Variants in GALNTL6 observed in about 807,000 individuals in gnomAD.
GALNTL6 encodes the protein polypeptide N-acetylgalactosaminyltransferase like 6.
Under a neutral mutation model 73.7 loss-of-function variants are expected in GALNTL6, and 46 were observed. That is an observed-to-expected ratio of 0.62 (90% confidence interval 0.49 to 0.80). The LOEUF is 0.80. Ranked by LOEUF, GALNTL6 falls within the 30% of genes least tolerant of loss-of-function variation. The probability of loss-of-function intolerance (pLI) is 0.00; values close to 1 mark genes in which losing one functional copy is unlikely to be tolerated. For missense variants in GALNTL6, 604 were observed against 755.0 expected (o/e 0.80, Z 2.34); for synonymous variants, 259 against 263.7 (o/e 0.98, Z 0.17).
At chr4:172,308,122 C>T (rs1438692039) in intron 3 of GALNTL6, among the ~76,000 whole-genome samples, 3 of 134,394 alleles carry the variant, frequency 2.2e-5, no homozygotes, top group South Asian at 2.5e-4. Flanking sequence ...TTGTATTCAT[C>T]GATTTTGTAT....
intron 5 of GALNTL6, among the ~76,000 whole-genome samples, chr4:172,786,787 G>A (rs1161086213): frequency 6.6e-6 from 1 of 152,092 alleles, no homozygotes; most frequent in East Asian, 1.9e-4. Context: ...AAACTAAAAA[G>A]AGTATAAATG....
At chr4:172,982,281 C>T (rs958090552) in intron 10 of GALNTL6, among the ~76,000 whole-genome samples, 21 of 152,208 alleles carry the variant, frequency 1.4e-4, no homozygotes, top group Non-Finnish European at 2.5e-4. Flanking sequence ...TCAGAGCCCT[C>T]CCTCTGCTCT....
intron 2 of GALNTL6, among the ~76,000 whole-genome samples, chr4:172,112,457 G>A (rs1024308796): frequency 6.6e-6 from 1 of 151,968 alleles, no homozygotes; most frequent in African/African-American, 2.4e-5. Flanking sequence ...GTTTAGTTTT[G>A]TAAGAAATTG....
At chr4:172,193,585 G>T (rs1424530990) in intron 2 of GALNTL6, among the ~76,000 whole-genome samples, 4 of 152,126 alleles carry the variant, frequency 2.6e-5, no homozygotes, top group East Asian at 1.9e-4. Flanking sequence ...ATAATTGGCC[G>T]GGCGTGGTGG....
intron 5 of GALNTL6, among the ~76,000 whole-genome samples, chr4:172,588,864 A>G (rs1271037594): frequency 6.6e-6 from 1 of 152,200 alleles, no homozygotes; most frequent in East Asian, 1.9e-4. Context: ...CACTCTAGAA[A>G]TAGCTCTAAC....
rs1394431270 is a variant in GALNTL6, at chr4:172,368,846, T to C, written c.553+20157T>C. 2.0e-5 allele frequency among the ~76,000 whole-genome samples: 3 copies of C among 152,196 alleles called. No individual in the cohort carries two copies. In the East Asian group the frequency reaches 5.8e-4, roughly 29 times the overall value. On this transcript the variant is annotated intron_variant, in intron 5 of 12. Transcript: ENST00000506823. ...TGTATCCAGACTTTGTTCCTTCAGATGTTCAGATGTGTCTGGAGTTTCTTC... is the reference window on the plus strand; with the variant it reads ...TGTATCCAGACTTTGTTCCTTCAGACGTTCAGATGTGTCTGGAGTTTCTTC...
At chr4:172,410,721 T>C (rs1744400914) in intron 5 of GALNTL6, among the ~76,000 whole-genome samples, 1 of 152,154 alleles carries the variant, frequency 6.6e-6, no homozygotes, top group African/African-American at 2.4e-5. Flanking sequence ...TCTGGTTTTT[T>C]AAGTTTACTT....
At chr4:172,307,176 C>A (rs1465801896) in intron 3 of GALNTL6, among the ~76,000 whole-genome samples, 1 of 152,076 alleles carries the variant, frequency 6.6e-6, no homozygotes, top group Non-Finnish European at 1.5e-5. Context: ...AAGATGGTAT[C>A]ATATTATGGT....
intron 2 of GALNTL6, among the ~76,000 whole-genome samples, chr4:171,846,714 T>TTTATATATATATTTATAAATATATATATA (rs1735380274): frequency 6.7e-6 from 1 of 150,102 alleles, no homozygotes; most frequent in Admixed American, 6.7e-5. Context: ...ATATATAGAT[T>TTTATATATATATTTATAAATATATATATA]TTTATATATT....
intron 2 of GALNTL6, among the ~76,000 whole-genome samples, chr4:171,984,048 T>C (rs1252216192): frequency 6.6e-6 from 1 of 152,010 alleles, no homozygotes; most frequent in Admixed American, 6.6e-5. Context: ...CAATGGTGGA[T>C]TCATTAGGGG....
intron 10 of GALNTL6, among the ~76,000 whole-genome samples, chr4:172,970,706 T>G (rs186403738): frequency 6.6e-6 from 1 of 152,180 alleles, no homozygotes; most frequent in Non-Finnish European, 1.5e-5. Flanking sequence ...ATTTGTACAA[T>G]AGTGGTCCTG....
chr4:172,710,901 G>A (rs1734663062), intron 5 of GALNTL6, among the ~76,000 whole-genome samples: 1 of 151,980 alleles, frequency 6.6e-6, no homozygotes, highest in Non-Finnish European at 1.5e-5. Flanking sequence ...AACAATTATT[G>A]AACATTCAAC....
At position 172,095,270 on chromosome 4, in the gene GALNTL6, A is replaced by C. The variant is rs527596484; in HGVS notation, c.139-134386A>C. ...ATCATCTCTAGGGCTCTGAGGTAGC[A>C]AAGGATGCTCAACTGGCAGCTCAGG... On this transcript the variant is annotated intron_variant, in intron 2 of 12. Coordinates refer to ENST00000506823, the MANE Select transcript of GALNTL6 (RefSeq NM_001034845.3). Among the ~76,000 whole-genome samples the C allele has an allele frequency of 1.1e-3, 166 of 152,308 alleles. 1 individual carries two copies. Among genetic ancestry groups the C allele is most frequent in the African/African-American group, 3.7e-3 (153 of 41,576 alleles).
chr4:172,594,739 T>G (rs376289091), intron 5 of GALNTL6, among the ~76,000 whole-genome samples: 2 of 152,336 alleles, frequency 1.3e-5, no homozygotes, highest in East Asian at 3.9e-4. Flanking sequence ...AAGCATGTTT[T>G]TATATTATGT....
chr4:172,099,473 C>G (rs545261958), intron 2 of GALNTL6, among the ~76,000 whole-genome samples: 8 of 152,216 alleles, frequency 5.3e-5, no homozygotes, highest in African/African-American at 1.9e-4. Flanking sequence ...GTCAATGTAG[C>G]CTTTTTTACA....
At position 172,770,079 on chromosome 4, in the gene GALNTL6, C is replaced by A. The variant is rs142570787; in HGVS notation, c.554-39282C>A. On this transcript the variant is annotated intron_variant, in intron 5 of 12. Transcript: ENST00000506823. ...AGGAGTTCGAAACCAGCCTGACCAA[C>A]GGGGTGAAACCCAGTATCTACTAAA... Among the ~76,000 whole-genome samples, 27 of 152,020 alleles carry A rather than the reference C, an allele frequency of 1.8e-4. No individual in the cohort carries two copies. In the East Asian group the frequency reaches 5.2e-3, roughly 29 times the overall value.
intron 2 of GALNTL6, among the ~76,000 whole-genome samples, chr4:172,130,863 A>C (rs1459747119): frequency 6.6e-6 from 1 of 152,114 alleles, no homozygotes; most frequent in Non-Finnish European, 1.5e-5. Flanking sequence ...CTCCATAAAG[A>C]GATATTTCAT....
intron 5 of GALNTL6, among the ~76,000 whole-genome samples, chr4:172,372,479 A>T (rs1339247737): frequency 6.6e-6 from 1 of 152,170 alleles, no homozygotes; most frequent in Admixed American, 6.5e-5. Context: ...TCTGACACTA[A>T]GATGGCCACC....
chr4:172,817,395 C>A (rs1158993600), intron 7 of GALNTL6, among the ~76,000 whole-genome samples: 1 of 151,674 alleles, frequency 6.6e-6, no homozygotes, highest in East Asian at 1.9e-4. Flanking sequence ...CACACCACTG[C>A]ATTCAACCTG....
Sources: allele counts gnomAD v4.1 joint callset (sites outside exome capture counted in the v4.1 genomes callset), GRCh38; gene constraint gnomAD v4.1.1; transcripts MANE v1.5; gene names NCBI Gene and HGNC (gene_info 2026-07-23, HGNC 2026-07-21).